Variants in RPA3 observed in about 807,000 individuals in gnomAD.
RPA3 encodes replication protein A 14 kDa subunit.
In RPA3, 24 loss-of-function variants were observed where a neutral mutation model predicts 13.7. The observed-to-expected ratio is 1.75, with a 90% confidence interval of 1.27 to 2.46. The LOEUF (loss-of-function observed/expected upper bound fraction) is 2.46, where lower values mean the gene tolerates loss of function less well. Among genes scored for constraint, RPA3 ranks in the 30% most tolerant of loss-of-function variants. The probability of loss-of-function intolerance (pLI) is 0.00; values close to 1 mark genes in which losing one functional copy is unlikely to be tolerated. For missense variants in RPA3, 183 were observed against 151.0 expected (o/e 1.21, Z -1.11); for synonymous variants, 59 against 51.2 (o/e 1.15, Z -0.65).
At chr7:7,638,421 A>G (rs1784899147) in intron 6 of RPA3, 1 of 153,294 alleles carries the variant, frequency 6.5e-6, no homozygotes, top group African/African-American at 2.4e-5. Context: ...AAATATATGA[A>G]CAAAAATAGA....
chr7:7,663,590 A>G (rs1357775409), intron 4 of RPA3, among the ~76,000 whole-genome samples: 2 of 151,904 alleles, frequency 1.3e-5, no homozygotes, highest in Non-Finnish European at 2.9e-5. Flanking sequence ...AGAGGATTAA[A>G]TCAGGTCTCT....
chr7:7,665,142 A>G (rs966853051), intron 4 of RPA3, among the ~76,000 whole-genome samples: 2 of 152,210 alleles, frequency 1.3e-5, no homozygotes, highest in Non-Finnish European at 2.9e-5. Flanking sequence ...TTGAAATTCA[A>G]AGGAGATAAT....
intron 2 of RPA3, among the ~76,000 whole-genome samples, chr7:7,700,634 T>G (rs1020207720): frequency 1.3e-5 from 2 of 152,156 alleles, no homozygotes; most frequent in Admixed American, 6.5e-5. Flanking sequence ...ACGCCTGTAA[T>G]CCTAGTACTT....
intron 4 of RPA3, among the ~76,000 whole-genome samples, chr7:7,667,643 G>A (rs1284486828): frequency 6.6e-6 from 1 of 152,178 alleles, no homozygotes; most frequent in South Asian, 2.1e-4. Flanking sequence ...TAGATGTTGT[G>A]CAGGTAGTAA....
At chr7:7,704,598 GAAAA>G (rs35661728) in intron 2 of RPA3, among the ~76,000 whole-genome samples, 2,295 of 93,600 alleles carry the variant, frequency 0.025, 79 homozygotes, top group African/African-American at 0.085. Context: ...TACTAAAATA[GAAAA>G]AAAAAAAAAA....
chr7:7,652,957 C>T (rs1257697009), intron 4 of RPA3, among the ~76,000 whole-genome samples: 1 of 152,216 alleles, frequency 6.6e-6, no homozygotes, highest in African/African-American at 2.4e-5. Context: ...AAGACCCATA[C>T]TGAATAATGT....
chr7:7,651,961 C>T (rs920158420), intron 4 of RPA3, among the ~76,000 whole-genome samples: 3 of 152,140 alleles, frequency 2.0e-5, no homozygotes, highest in African/African-American at 7.2e-5. Flanking sequence ...CTGACTCCTC[C>T]CTCTCTCCCC....
chr7:7,713,001 G>A (rs1333219509), intron 2 of RPA3, among the ~76,000 whole-genome samples: 3 of 152,078 alleles, frequency 2.0e-5, no homozygotes, highest in Non-Finnish European at 2.9e-5. Flanking sequence ...CTAGCCTATT[G>A]TGTCAATTTG....
intron 4 of RPA3, among the ~76,000 whole-genome samples, chr7:7,677,303 A>T (rs1028104986): frequency 1.3e-5 from 2 of 152,158 alleles, no homozygotes; most frequent in Non-Finnish European, 2.9e-5. Flanking sequence ...ATTATTGTTA[A>T]CTATAGTCAC....
intron 2 of RPA3, among the ~76,000 whole-genome samples, chr7:7,691,470 A>G (rs1228336013): frequency 6.6e-6 from 1 of 152,236 alleles, no homozygotes; most frequent in Non-Finnish European, 1.5e-5. Flanking sequence ...AGTATTTACT[A>G]CTGTCCTGCA....
intron 2 of RPA3, among the ~76,000 whole-genome samples, chr7:7,705,373 TA>T (rs947105067): frequency 1.3e-5 from 2 of 152,214 alleles, no homozygotes; most frequent in Non-Finnish European, 2.9e-5. Flanking sequence ...CTTTGGAGTT[TA>T]AAAAGTAATT....
chr7:7,659,973 A>G (rs1232519710), intron 4 of RPA3, among the ~76,000 whole-genome samples: 2 of 152,184 alleles, frequency 1.3e-5, no homozygotes, highest in Non-Finnish European at 2.9e-5. Flanking sequence ...TGCTGTATGA[A>G]TCTGGGTGAT....
At chr7:7,674,943 A>T (rs1349148508) in intron 4 of RPA3, among the ~76,000 whole-genome samples, 2 of 152,036 alleles carry the variant, frequency 1.3e-5, no homozygotes, top group Non-Finnish European at 2.9e-5. Flanking sequence ...CTGATTTTAA[A>T]ATACCTCTGA....
At chr7:7,678,725 A>C (rs1779827228) in intron 4 of RPA3, among the ~76,000 whole-genome samples, 1 of 114,102 alleles carries the variant, frequency 8.8e-6, no homozygotes, top group Admixed American at 9.3e-5. Context: ...GTTTATAAAT[A>C]TATATTTATA....
intron 4 of RPA3, chr7:7,673,310 TAGCAGCAGC>T: frequency 0.28 from 292,109 of 1,029,772 alleles, 41,130 homozygotes; most frequent in East Asian, 0.47. Flanking sequence ...CTATTTCAGG[TAGCAGCAGC>T]AGCAGCAGCA....
At chr7:7,678,546 TA>T (rs549250265) in intron 4 of RPA3, among the ~76,000 whole-genome samples, 214 of 138,804 alleles carry the variant, frequency 1.5e-3, no homozygotes, top group African/African-American at 5.5e-3. Flanking sequence ...AATTTATAGA[TA>T]AATATATATT....
At chr7:7,681,313 A>G (rs1267301257) in intron 4 of RPA3, among the ~76,000 whole-genome samples, 1 of 152,154 alleles carries the variant, frequency 6.6e-6, no homozygotes, top group Admixed American at 6.5e-5. Flanking sequence ...CAATTATTAG[A>G]TGGCATTGCA....
At chr7:7,683,644 G>A (rs1358240610) in intron 4 of RPA3, among the ~76,000 whole-genome samples, 1 of 150,906 alleles carries the variant, frequency 6.6e-6, no homozygotes, top group African/African-American at 2.4e-5. Context: ...TTTTTTAGAC[G>A]GAGTTTTTGC....
At chr7:7,649,636 T>C (rs1432071322) in intron 4 of RPA3, among the ~76,000 whole-genome samples, 5 of 152,214 alleles carry the variant, frequency 3.3e-5, no homozygotes, top group African/African-American at 9.7e-5. Flanking sequence ...TCTTCTTTAA[T>C]GTTATCAGTC....
Sources: gnomAD v4.1 joint callset for allele counts (sites outside exome capture counted in the v4.1 genomes callset) on GRCh38, gnomAD v4.1.1 for gene constraint, MANE v1.5 for transcripts, NCBI Gene and HGNC (gene_info 2026-07-23, HGNC 2026-07-21) for gene names.